Variants in CA10 observed in about 807,000 individuals in gnomAD.
CA10 encodes carbonic anhydrase 10 (inactive), also known as carbonic anhydrase-related protein 10.
In CA10, 14 loss-of-function variants were observed where a neutral mutation model predicts 44.2. The ratio of observed to expected loss-of-function variants is 0.32; its 90% CI spans 0.21 to 0.50. The LOEUF is 0.50. Ranked by LOEUF, CA10 falls within the 20% of genes least tolerant of loss-of-function variation. The pLI is 0.99. For missense variants in CA10, 350 were observed against 409.7 expected (o/e 0.85, Z 1.26); for synonymous variants, 159 against 141.6 (o/e 1.12, Z -0.87).
At chr17:51,874,979 C>CTTTTG (rs1190462751) in intron 3 of CA10, among the ~76,000 whole-genome samples, 1 of 141,368 alleles carries the variant, frequency 7.1e-6, no homozygotes, top group African/African-American at 2.6e-5. Context: ...CTTTTCTTTT[C>CTTTTG]TTTTCTTTTC....
chr17:51,704,000 T>C (rs1046362674), intron 4 of CA10, among the ~76,000 whole-genome samples: 1 of 152,138 alleles, frequency 6.6e-6, no homozygotes, highest in Non-Finnish European at 1.5e-5. Flanking sequence ...TTGCCATGAC[T>C]CGAGAAAGGT....
chr17:52,006,847 AT>A (rs1272798847), intron 2 of CA10, among the ~76,000 whole-genome samples: 1 of 151,754 alleles, frequency 6.6e-6, no homozygotes, highest in Admixed American at 6.6e-5. Context: ...TACTAAGTTG[AT>A]TAATCTGAGA....
At chr17:52,069,124 AT>A (rs1158495348) in intron 2 of CA10, among the ~76,000 whole-genome samples, 1 of 152,180 alleles carries the variant, frequency 6.6e-6, no homozygotes, top group Non-Finnish European at 1.5e-5. Flanking sequence ...TATACAGATA[AT>A]CTGCTTTACT....
At chr17:51,755,944 A>G (rs1265351997) in intron 3 of CA10, among the ~76,000 whole-genome samples, 2 of 152,158 alleles carry the variant, frequency 1.3e-5, no homozygotes, top group Non-Finnish European at 2.9e-5. Flanking sequence ...GAAATTTCAT[A>G]ATGTCCTTTT....
intron 4 of CA10, among the ~76,000 whole-genome samples, chr17:51,659,648 G>T (rs1484813095): frequency 2.0e-5 from 3 of 152,182 alleles, no homozygotes; most frequent in Non-Finnish European, 4.4e-5. Flanking sequence ...CACTTTGGAT[G>T]ATCATTACCA....
chr17:51,864,036 A>G (rs758201831), intron 3 of CA10, among the ~76,000 whole-genome samples: 3 of 152,096 alleles, frequency 2.0e-5, no homozygotes, highest in Non-Finnish European at 4.4e-5. Flanking sequence ...CAGCCTTCTA[A>G]TCACACAGTT....
At chr17:52,010,701 C>T (rs1985762053) in intron 2 of CA10, among the ~76,000 whole-genome samples, 2 of 151,808 alleles carry the variant, frequency 1.3e-5, no homozygotes, top group Non-Finnish European at 2.9e-5. Flanking sequence ...ACACCAAAAT[C>T]CCAGAAATCA....
intron 3 of CA10, among the ~76,000 whole-genome samples, chr17:51,867,392 A>C (rs1437338362): frequency 1.3e-5 from 2 of 152,216 alleles, no homozygotes; most frequent in African/African-American, 4.8e-5. Flanking sequence ...GGTTAAGAGC[A>C]TGGGCTTTAG....
intron 3 of CA10, among the ~76,000 whole-genome samples, chr17:51,807,817 T>C (rs182312059): frequency 2.0e-5 from 3 of 152,136 alleles, no homozygotes; most frequent in African/African-American, 4.8e-5. Context: ...ACAGGCAAAA[T>C]AGTGATTGAG....
At chr17:51,903,994 T>G (rs914693509) in intron 3 of CA10, among the ~76,000 whole-genome samples, 5 of 151,778 alleles carry the variant, frequency 3.3e-5, no homozygotes, top group African/African-American at 4.8e-5. Context: ...AAACGTATGG[T>G]CTGGTGTGCA....
At chr17:52,133,558 A>G (rs1487252294) in intron 1 of CA10, among the ~76,000 whole-genome samples, 1 of 152,170 alleles carries the variant, frequency 6.6e-6, no homozygotes, top group African/African-American at 2.4e-5. Context: ...AAACTGCTCA[A>G]TTCTCATGTC....
At chr17:51,836,542 G>C (rs754707787) in intron 3 of CA10, among the ~76,000 whole-genome samples, 1 of 152,180 alleles carries the variant, frequency 6.6e-6, no homozygotes, top group African/African-American at 2.4e-5. Context: ...GGGTAACCCA[G>C]GTCTTTCCCC....
rs1458273912 is a variant in CA10, at chr17:51,633,462, G to A, written c.964+14C>T. ...CTAGCCTAGATCCTCCACTCTCTGA[G>A]CCACCAAACCCACCTCTATACTGAA... On this transcript the variant is annotated intron_variant, in intron 8 of 8. Transcript: ENST00000451037. 7 of 1,607,758 alleles carry A rather than the reference G, an allele frequency of 4.4e-6. No individual in the cohort carries two copies. The highest frequency in any genetic ancestry group is 1.1e-5 in the South Asian group (1 of 89,868).
At chr17:51,701,470 ACT>A (rs1915600744) in intron 4 of CA10, among the ~76,000 whole-genome samples, 1 of 150,414 alleles carries the variant, frequency 6.6e-6, no homozygotes, top group Admixed American at 6.6e-5. Flanking sequence ...AACCCATAAC[ACT>A]CTCATTTATT....
intron 4 of CA10, among the ~76,000 whole-genome samples, chr17:51,689,669 A>G (rs1040826206): frequency 6.6e-6 from 1 of 152,192 alleles, no homozygotes; most frequent in African/African-American, 2.4e-5. Flanking sequence ...ATAGAGACTG[A>G]CATCCTTTAC....
chr17:51,819,181 T>A (rs904591844), intron 3 of CA10, among the ~76,000 whole-genome samples: 3 of 152,252 alleles, frequency 2.0e-5, no homozygotes, highest in Non-Finnish European at 4.4e-5. Flanking sequence ...TGAATTTAAA[T>A]ATGTATTTAT....
intron 3 of CA10, among the ~76,000 whole-genome samples, chr17:51,769,646 A>G (rs2143653688): frequency 6.6e-6 from 1 of 152,340 alleles, no homozygotes; most frequent in Non-Finnish European, 1.5e-5. Context: ...CAGTGCATCA[A>G]AGATATATTT....
chr17:51,868,899 T>G (rs897914535), intron 3 of CA10, among the ~76,000 whole-genome samples: 2 of 151,866 alleles, frequency 1.3e-5, no homozygotes, highest in East Asian at 3.9e-4. Context: ...TTGTTTTTTT[T>G]TTTTTACAAA....
chr17:51,664,640 C>G (rs898058879), intron 4 of CA10, among the ~76,000 whole-genome samples: 44 of 151,152 alleles, frequency 2.9e-4, no homozygotes, highest in African/African-American at 8.3e-4. Flanking sequence ...CTGGAGTGAA[C>G]AAGGAAGACA....
Sources: allele counts gnomAD v4.1 joint callset (sites outside exome capture counted in the v4.1 genomes callset), GRCh38; gene constraint gnomAD v4.1.1; transcripts MANE v1.5; gene names NCBI Gene and HGNC (gene_info 2026-07-23, HGNC 2026-07-21).